Variants in NEGR1 observed in about 807,000 individuals in gnomAD.
NEGR1 encodes the protein neuronal growth regulator 1, also known as IgLON family member 4.
A neutral mutation model predicts 40.9 loss-of-function variants in NEGR1; 10 were observed. The observed-to-expected ratio is 0.24, with a 90% CI of 0.15 to 0.42. The LOEUF (loss-of-function observed/expected upper bound fraction) is 0.42, where lower values mean the gene tolerates loss of function less well. NEGR1 is among the 10% of genes least tolerant of loss of function. The probability of loss-of-function intolerance (pLI) is 1.00; values close to 1 mark genes in which losing one functional copy is unlikely to be tolerated. For missense variants in NEGR1, 352 were observed against 438.9 expected (o/e 0.80, Z 1.77); for synonymous variants, 185 against 166.8 (o/e 1.11, Z -0.84).
chr1:71,908,116 C>T (rs1461262976), intron 2 of NEGR1, among the ~76,000 whole-genome samples: 1 of 151,416 alleles, frequency 6.6e-6, no homozygotes, highest in African/African-American at 2.4e-5. Context: ...ACAATAAATC[C>T]TTATTACAAG....
intron 3 of NEGR1, among the ~76,000 whole-genome samples, chr1:71,745,334 C>T (rs755515383): frequency 1.7e-4 from 26 of 152,158 alleles, no homozygotes; most frequent in Admixed American, 5.2e-4. Flanking sequence ...TGGCTGGCTG[C>T]TCTCTGGACT....
intron 6 of NEGR1, among the ~76,000 whole-genome samples, chr1:71,512,988 A>G (rs1274812117): frequency 6.6e-6 from 1 of 152,240 alleles, no homozygotes; most frequent in Non-Finnish European, 1.5e-5. Flanking sequence ...GTTTTACTAT[A>G]CATATAACAT....
At chr1:71,511,529 C>A (rs189013885) in intron 6 of NEGR1, among the ~76,000 whole-genome samples, 267 of 152,282 alleles carry the variant, frequency 1.8e-3, no homozygotes, top group African/African-American at 5.9e-3. Context: ...CTCAACTGAA[C>A]ATAGTGGAAA....
chr1:71,956,304 T>A (rs1646118967), intron 1 of NEGR1, among the ~76,000 whole-genome samples: 1 of 152,146 alleles, frequency 6.6e-6, no homozygotes, highest in South Asian at 2.1e-4. Flanking sequence ...TTGAATAAAT[T>A]ATCTTCTACC....
intron 6 of NEGR1, chr1:71,570,867 C>CTTT (rs1553150888): frequency 6.6e-6 from 1 of 151,308 alleles, no homozygotes; most frequent in Non-Finnish European, 1.5e-5. Flanking sequence ...GCTTTTATAA[C>CTTT]TGTTGTTGTT....
intron 3 of NEGR1, among the ~76,000 whole-genome samples, chr1:71,759,459 G>A (rs1655860453): frequency 6.6e-6 from 1 of 150,934 alleles, no homozygotes; most frequent in Non-Finnish European, 1.5e-5. Flanking sequence ...CGCCATGCCT[G>A]GCTAACTTTT....
At chr1:71,881,052 C>T (rs191380114) in intron 2 of NEGR1, among the ~76,000 whole-genome samples, 10 of 151,936 alleles carry the variant, frequency 6.6e-5, no homozygotes, top group African/African-American at 1.7e-4. Flanking sequence ...ACTCATCTTA[C>T]CTTGGTATCT....
At chr1:71,659,644 C>T (rs1288492978) in intron 4 of NEGR1, among the ~76,000 whole-genome samples, 2 of 152,030 alleles carry the variant, frequency 1.3e-5, no homozygotes, top group Non-Finnish European at 2.9e-5. Context: ...GAACAAACAA[C>T]CCCACTAAAA....
chr1:71,665,355 T>C (rs1652208901), intron 4 of NEGR1, among the ~76,000 whole-genome samples: 2 of 152,090 alleles, frequency 1.3e-5, no homozygotes, highest in South Asian at 2.1e-4. Context: ...GCAAAGAAAA[T>C]AGAGGTATAT....
chr1:71,809,811 A>G (rs943383377), intron 2 of NEGR1, among the ~76,000 whole-genome samples: 1 of 152,118 alleles, frequency 6.6e-6, no homozygotes, highest in Non-Finnish European at 1.5e-5. Context: ...AAGTGACTCC[A>G]GTGTCACTTG....
At chr1:71,542,599 T>C (rs1647747802) in intron 6 of NEGR1, among the ~76,000 whole-genome samples, 1 of 151,698 alleles carries the variant, frequency 6.6e-6, no homozygotes, top group African/African-American at 2.4e-5. Flanking sequence ...ACAGCCAGTA[T>C]ACTGCAGGGA....
intron 3 of NEGR1, among the ~76,000 whole-genome samples, chr1:71,710,631 C>A (rs1453148995): frequency 6.6e-6 from 1 of 152,060 alleles, no homozygotes; most frequent in Non-Finnish European, 1.5e-5. Context: ...CACAGAAAGA[C>A]AAACAATCGC....
chr1:71,410,265 A>G (rs1485740345), intron 6 of NEGR1, among the ~76,000 whole-genome samples: 2 of 152,112 alleles, frequency 1.3e-5, no homozygotes, highest in African/African-American at 4.8e-5. Context: ...GTAATCGTGA[A>G]TAATCAGTAC....
At chr1:71,940,090 G>GGT (rs1264317163) in intron 1 of NEGR1, among the ~76,000 whole-genome samples, 1 of 152,072 alleles carries the variant, frequency 6.6e-6, no homozygotes, top group Non-Finnish European at 1.5e-5. Flanking sequence ...GTGAAGTGAG[G>GGT]GTGGTCAGAT....
intron 6 of NEGR1, among the ~76,000 whole-genome samples, chr1:71,548,059 C>A (rs572539074): frequency 6.6e-6 from 1 of 151,768 alleles, no homozygotes; most frequent in Admixed American, 6.6e-5. Context: ...CTGGACTGAT[C>A]AAACCTCAGA....
At chr1:71,920,597 G>A (rs1321712341) in intron 2 of NEGR1, among the ~76,000 whole-genome samples, 2 of 152,202 alleles carry the variant, frequency 1.3e-5, no homozygotes, top group African/African-American at 4.8e-5. Flanking sequence ...TAATTTCCTT[G>A]AAAAGAAGGA....
intron 2 of NEGR1, among the ~76,000 whole-genome samples, chr1:71,909,298 A>G (rs1269800346): frequency 6.6e-6 from 1 of 152,214 alleles, no homozygotes; most frequent in Non-Finnish European, 1.5e-5. Flanking sequence ...AGTATTCCAT[A>G]TATCAGACAA....
intron 1 of NEGR1, among the ~76,000 whole-genome samples, chr1:72,256,318 C>T (rs555785115): frequency 3.3e-4 from 50 of 152,322 alleles, no homozygotes; most frequent in African/African-American, 1.2e-3. Flanking sequence ...ACACAATGCT[C>T]ATCCAGCTGG....
chr1:71,963,861 T>C lies in NEGR1; in HGVS notation c.177-28550A>G, dbSNP rs911998372. On this transcript the variant is annotated intron_variant, in intron 1 of 6. Transcript: ENST00000357731. ...TGTGGAAACCTATCACTAGAATTTG[T>C]GATGCAAGAAATACGAGTCCAAATC... Among the ~76,000 whole-genome samples, 3 of 152,286 alleles carry C rather than the reference T, an allele frequency of 2.0e-5. No homozygotes were observed. In the East Asian group the frequency reaches 5.8e-4, roughly 29 times the overall value.
Sources: allele counts gnomAD v4.1 joint callset (sites outside exome capture counted in the v4.1 genomes callset), GRCh38; gene constraint gnomAD v4.1.1; transcripts MANE v1.5; gene names NCBI Gene and HGNC (gene_info 2026-07-23, HGNC 2026-07-21).